The following IQSEC1 variants were observed in gnomAD, a reference collection of about 807,000 sequenced individuals.
IQSEC1 encodes the protein IQ motif and SEC7 domain-containing protein 1.
IQSEC1 carries 31 observed loss-of-function variants against 91.0 expected under a neutral mutation model. That is an observed-to-expected ratio of 0.34 (90% CI 0.26 to 0.46). IQSEC1 has a LOEUF of 0.46. Among genes scored for constraint, IQSEC1 ranks in the 20% least tolerant of loss-of-function variants. The pLI, the probability that IQSEC1 is intolerant of heterozygous loss-of-function variation, is 1.00. For synonymous variants in IQSEC1, 699 were observed against 662.6 expected (o/e 1.05, Z -0.84); for missense variants, 1,388 against 1,575.6 (o/e 0.88, Z 2.02).
At chr3:13,090,468 T>G (rs1009128641) in intron 2 of IQSEC1, among the ~76,000 whole-genome samples, 1 of 152,154 alleles carries the variant, frequency 6.6e-6, no homozygotes, top group Non-Finnish European at 1.5e-5. Context: ...CCCCAGTGAG[T>G]CCCAGCACTC....
intron 1 of IQSEC1, among the ~76,000 whole-genome samples, chr3:13,067,042 G>T (rs1474778577): frequency 3.9e-5 from 6 of 152,204 alleles, no homozygotes; most frequent in Admixed American, 3.9e-4. Context: ...GAGGTCAGAG[G>T]CCCAGAGAGG....
At chr3:12,948,233 T>C (rs1699309953) in intron 1 of IQSEC1, among the ~76,000 whole-genome samples, 1 of 152,272 alleles carries the variant, frequency 6.6e-6, no homozygotes, top group Non-Finnish European at 1.5e-5. Flanking sequence ...CACTTTTCAA[T>C]GGCTGTCTTG....
In IQSEC1 at chr3:12,935,948, C is replaced by T. The variant is rs758851646; in HGVS notation, c.1068G>A (p.Gln356=). Residue 356 remains glutamine, a synonymous_variant, in exon 3 of 14, where the codon CAG becomes CAA. Transcript: ENST00000613206. This position sits in a 1 kb window ranked among gnomAD's most constrained non-coding sequence, Gnocchi z 8.0. Reference sequence around the variant, plus strand: ...GCGGCAGATGCTCCACCCGCAGCCGCTGCTCCTGCCGCTCCAGCGACGGCG... The same window carrying T: ...GCGGCAGATGCTCCACCCGCAGCCGTTGCTCCTGCCGCTCCAGCGACGGCG... The part of the protein sequence containing the change: ...RSTPSLERQE[Q]RLRVEHLPLL... 15 of 1,598,278 alleles carry T rather than the reference C, an allele frequency of 9.4e-6. No individual in the cohort carries two copies. The highest frequency in any genetic ancestry group is 1.3e-5 in the Non-Finnish European group (15 of 1,179,364).
chr3:13,197,530 T>A (rs965342532), intron 1 of IQSEC1, among the ~76,000 whole-genome samples: 1 of 151,872 alleles, frequency 6.6e-6, no homozygotes, highest in East Asian at 1.9e-4. Context: ...GCCTCAAATG[T>A]CCCCCACAGG....
chr3:13,033,828 G>T (rs988360081), intron 1 of IQSEC1, among the ~76,000 whole-genome samples: 4 of 152,096 alleles, frequency 2.6e-5, no homozygotes, highest in African/African-American at 9.7e-5. Context: ...GAGGGCAGTC[G>T]GCTTCACTCA....
chr3:12,929,463 C>G (rs1035380762), intron 3 of IQSEC1, among the ~76,000 whole-genome samples: 7 of 152,174 alleles, frequency 4.6e-5, no homozygotes, highest in African/African-American at 1.4e-4. Flanking sequence ...GAGGGAACAG[C>G]CAATGCAAAA....
At chr3:13,005,156 G>A (rs1021974816) in intron 1 of IQSEC1, among the ~76,000 whole-genome samples, 2 of 152,176 alleles carry the variant, frequency 1.3e-5, no homozygotes, top group Admixed American at 6.5e-5. Context: ...CCTTGTGTGT[G>A]GGGTTAATAT....
chr3:13,241,612 T>C (rs1420174521), intron 1 of IQSEC1, among the ~76,000 whole-genome samples: 1 of 152,146 alleles, frequency 6.6e-6, no homozygotes, highest in East Asian at 1.9e-4. Flanking sequence ...TCAGGATGAG[T>C]CCCGAATGTC....
chr3:13,141,670 A>T (rs1706801163), intron 2 of IQSEC1, among the ~76,000 whole-genome samples: 1 of 152,182 alleles, frequency 6.6e-6, no homozygotes, highest in Admixed American at 6.5e-5. Context: ...AAGCCTCCTC[A>T]CTGGGTATCC....
At chr3:13,098,347 G>A (rs1159467263) in intron 2 of IQSEC1, among the ~76,000 whole-genome samples, 1 of 152,190 alleles carries the variant, frequency 6.6e-6, no homozygotes, top group Non-Finnish European at 1.5e-5. Flanking sequence ...ATCTAACTTA[G>A]CATTGGGAAG....
chr3:13,253,919 C>G (rs775944116), intron 1 of IQSEC1, among the ~76,000 whole-genome samples: 1 of 152,136 alleles, frequency 6.6e-6, no homozygotes, highest in Non-Finnish European at 1.5e-5. Flanking sequence ...CACAGGCCAC[C>G]GATGGAAGCT....
rs143870066 is a variant in IQSEC1, at chr3:12,997,661, A to G, written c.24-55796T>C. On this transcript the variant is annotated intron_variant, in intron 1 of 13. Transcript: ENST00000613206. ...CCTAGGCTACAAACCTGTTCAGCAT[A>G]TGACTGTACTGAACACTGCAGGCAC... Among the ~76,000 whole-genome samples the G allele has an allele frequency of 1.1e-3, 171 of 152,320 alleles. 1 individual carries two copies. Among genetic ancestry groups the G allele is most frequent in the African/African-American group, 3.7e-3 (153 of 41,554 alleles).
rs1296656549 is a variant in IQSEC1 at position 12,899,467 on chromosome 3, C to T, written c.*1516G>A. ...GTATGGCCCGTGGGTGACTCGGGCACAGACCTGCCGCGTGCAGGTCTGGCC... is the reference window on the plus strand; with the variant it reads ...GTATGGCCCGTGGGTGACTCGGGCATAGACCTGCCGCGTGCAGGTCTGGCC... On this transcript the variant is annotated 3_prime_UTR_variant, in exon 14 of 14. Coordinates refer to ENST00000613206, the MANE Select transcript of IQSEC1 (RefSeq NM_001134382.3). 2 of 1,601,958 alleles carry T rather than the reference C, an allele frequency of 1.2e-6. No homozygotes were observed. The highest frequency in any genetic ancestry group is 2.3e-5 in the East Asian group (1 of 44,364).
At chr3:13,006,179 CCCA>C (rs924675050) in intron 1 of IQSEC1, among the ~76,000 whole-genome samples, 46 of 152,350 alleles carry the variant, frequency 3.0e-4, no homozygotes, top group African/African-American at 1.0e-3. Flanking sequence ...GCCCCCTCCT[CCCA>C]CCTGAGCTGG....
At chr3:13,105,675 C>A (rs1042707935) in intron 2 of IQSEC1, among the ~76,000 whole-genome samples, 2 of 152,142 alleles carry the variant, frequency 1.3e-5, no homozygotes, top group Non-Finnish European at 1.5e-5. Context: ...CATTCTCCCT[C>A]CTCTAGCCTC....
At chr3:13,261,879 G>A (rs893503326) in intron 1 of IQSEC1, among the ~76,000 whole-genome samples, 1 of 152,214 alleles carries the variant, frequency 6.6e-6, no homozygotes, top group South Asian at 2.1e-4. Context: ...AGAAGCCAAC[G>A]TAAAAATGCC....
At chr3:13,058,583 G>A (rs900032042) in intron 1 of IQSEC1, among the ~76,000 whole-genome samples, 1 of 152,202 alleles carries the variant, frequency 6.6e-6, no homozygotes, top group Non-Finnish European at 1.5e-5. Flanking sequence ...TCCAGGGGAG[G>A]ACCTGGAGGG....
chr3:13,181,263 T>G (rs898217663), intron 1 of IQSEC1, among the ~76,000 whole-genome samples: 1 of 151,464 alleles, frequency 6.6e-6, no homozygotes, highest in African/African-American at 2.4e-5. Context: ...AGAGCGAGAC[T>G]CCGTCTCAAA....
chr3:13,127,228 C>T (rs1706529020), intron 2 of IQSEC1, among the ~76,000 whole-genome samples: 1 of 152,022 alleles, frequency 6.6e-6, no homozygotes, highest in Non-Finnish European at 1.5e-5. Context: ...GCCTGGCCAA[C>T]ATGGTGAAAC....
Sources: allele counts gnomAD v4.1 joint callset (sites outside exome capture counted in the v4.1 genomes callset), GRCh38; gene constraint gnomAD v4.1.1; non-coding constraint Gnocchi (gnomAD v3.1); transcripts MANE v1.5; gene names NCBI Gene and HGNC (gene_info 2026-07-23, HGNC 2026-07-21).